The following HHAT variants were observed in gnomAD, a reference collection of about 807,000 sequenced individuals.
The protein encoded by HHAT is protein-cysteine N-palmitoyltransferase HHAT.
In HHAT, 47 loss-of-function variants were observed where a neutral mutation model predicts 70.8. The observed-to-expected ratio is 0.66, with a 90% CI of 0.53 to 0.85. HHAT has a LOEUF of 0.85. Ranked by LOEUF, HHAT falls within the 40% of genes least tolerant of loss-of-function variation. The pLI is 0.00. For synonymous variants in HHAT, 228 were observed against 247.6 expected, an observed-to-expected ratio of 0.92 and a Z score of 0.74; for missense variants, 609 against 604.8, an observed-to-expected ratio of 1.01 and a Z score of -0.07.
At chr1:210,360,482 G>A (rs910325588) in intron 2 of HHAT, among the ~76,000 whole-genome samples, 4 of 152,016 alleles carry the variant, frequency 2.6e-5, no homozygotes, top group Admixed American at 2.0e-4. Flanking sequence ...AGCTAATTTT[G>A]TATTTTTAGT....
At chr1:210,383,362 G>A (rs901968489) in intron 3 of HHAT, among the ~76,000 whole-genome samples, 4 of 151,906 alleles carry the variant, frequency 2.6e-5, no homozygotes, top group East Asian at 3.9e-4. Flanking sequence ...AATCACTGAC[G>A]AAATAAAAAG....
chr1:210,542,507 A>G (rs2490222), intron 9 of HHAT, among the ~76,000 whole-genome samples: 67,974 of 150,810 alleles, frequency 0.45, 16,109 homozygotes, highest in Non-Finnish European at 0.52. Context: ...ATATATATAT[A>G]TATATATTGG....
At chr1:210,594,542 G>A (rs1313115654) in intron 10 of HHAT, among the ~76,000 whole-genome samples, 1 of 152,058 alleles carries the variant, frequency 6.6e-6, no homozygotes, top group Non-Finnish European at 1.5e-5. Context: ...GTTGTTATTT[G>A]TTTGTGTTTT....
chr1:210,375,648 G>C (rs889427566), intron 3 of HHAT, among the ~76,000 whole-genome samples: 10 of 151,466 alleles, frequency 6.6e-5, no homozygotes, highest in African/African-American at 2.2e-4. Flanking sequence ...TATGCTTTTT[G>C]CCAAATTTGG....
intron 8 of HHAT, among the ~76,000 whole-genome samples, chr1:210,499,217 A>C (rs944017252): frequency 2.0e-5 from 3 of 152,066 alleles, no homozygotes; most frequent in Non-Finnish European, 4.4e-5. Flanking sequence ...ATCCTCATCC[A>C]TGTCCCTCTG....
intron 8 of HHAT, among the ~76,000 whole-genome samples, chr1:210,503,583 C>T (rs1254193386): frequency 6.6e-6 from 1 of 152,210 alleles, no homozygotes; most frequent in Non-Finnish European, 1.5e-5. Context: ...CCCAAATGAA[C>T]AAACACCAAC....
intron 7 of HHAT, 81 bp from the exon 8 acceptor site, chr1:210,464,424 A>T: frequency 7.0e-7 from 1 of 1,435,666 alleles, no homozygotes; most frequent in Admixed American, 1.7e-5. Context: ...GGCAGTTGGC[A>T]TAGCTCCTGG....
chr1:210,611,844 CAGGGATG>C (rs1249225069), intron 10 of HHAT, among the ~76,000 whole-genome samples: 2 of 152,218 alleles, frequency 1.3e-5, no homozygotes, highest in African/African-American at 4.8e-5. Flanking sequence ...CTTTGCATCC[CAGGGATG>C]AAGCCAACTT....
At chr1:210,359,848 CAG>C (rs2088065532) in intron 2 of HHAT, among the ~76,000 whole-genome samples, 1 of 151,428 alleles carries the variant, frequency 6.6e-6, no homozygotes, top group African/African-American at 2.4e-5. Context: ...ACCTAGGCGA[CAG>C]AGCGAGACTT....
At chr1:210,569,399 A>AAAAAAAAAAAAAAAAC (rs1558182185) in intron 9 of HHAT, among the ~76,000 whole-genome samples, 3 of 148,368 alleles carry the variant, frequency 2.0e-5, no homozygotes, top group Non-Finnish European at 4.5e-5. Flanking sequence ...AAAAAAAAAA[A>AAAAAAAAAAAAAAAAC]GCGTATAGCA....
At chr1:210,361,077 AAAAG>A (rs2088257339) in intron 2 of HHAT, among the ~76,000 whole-genome samples, 1 of 152,202 alleles carries the variant, frequency 6.6e-6, no homozygotes, top group African/African-American at 2.4e-5. Flanking sequence ...AGCACCAAAA[AAAAG>A]AGCTTAAGTT....
chr1:210,629,134 G>C (rs1031899189), intron 11 of HHAT, among the ~76,000 whole-genome samples: 2 of 152,210 alleles, frequency 1.3e-5, no homozygotes, highest in African/African-American at 2.4e-5. Context: ...CAGTCTATCC[G>C]TGTTTACATC....
chr1:210,406,116 G>A (rs1165208333), intron 6 of HHAT, among the ~76,000 whole-genome samples: 1 of 152,070 alleles, frequency 6.6e-6, no homozygotes, highest in Non-Finnish European at 1.5e-5. Context: ...AGGTAAGGTG[G>A]GCACAGCATA....
At chr1:210,414,424 C>G (rs1019348094) in intron 6 of HHAT, among the ~76,000 whole-genome samples, 2 of 151,958 alleles carry the variant, frequency 1.3e-5, no homozygotes, top group East Asian at 3.9e-4. Context: ...AATGAACTTG[C>G]TTTGGAGAGC....
At chr1:210,530,798 A>G (rs1014107651) in intron 9 of HHAT, among the ~76,000 whole-genome samples, 1 of 152,154 alleles carries the variant, frequency 6.6e-6, no homozygotes, top group Non-Finnish European at 1.5e-5. Context: ...GGCAGGATTA[A>G]TGGGTATCTG....
At chr1:210,585,212 T>C (rs561615038) in intron 9 of HHAT, among the ~76,000 whole-genome samples, 10 of 152,308 alleles carry the variant, frequency 6.6e-5, no homozygotes, top group Non-Finnish European at 1.3e-4. Context: ...CTTGGGCAAA[T>C]TAATTTCTCA....
At chr1:210,613,772 C>T (rs1667076404) in intron 10 of HHAT, among the ~76,000 whole-genome samples, 1 of 152,142 alleles carries the variant, frequency 6.6e-6, no homozygotes, top group East Asian at 1.9e-4. Context: ...AATTCCAGCA[C>T]TTTGTGAGGC....
chr1:210,542,483 T>C lies in HHAT; in HGVS notation c.1043+29295T>C, dbSNP rs187597944. 2.2e-3 allele frequency among the ~76,000 whole-genome samples: 287 copies of C among 133,486 alleles called. 1 individual carries two copies. Among genetic ancestry groups the C allele is most frequent in the African/African-American group, 7.2e-3 (277 of 38,566 alleles). 87.6% of individuals were successfully genotyped at this position (133,486 alleles called of 152,430 possible). On this transcript the variant is annotated intron_variant, in intron 9 of 11. Coordinates refer to ENST00000261458, the MANE Select transcript of HHAT (RefSeq NM_018194.6). ...GACAGTTTTTGCCGCATCAGTGTTT[T>C]AGTTAAAAAAAAAATATATATATAT...
chr1:210,517,859 T>C (rs1462438215), intron 9 of HHAT, among the ~76,000 whole-genome samples: 1 of 152,176 alleles, frequency 6.6e-6, no homozygotes, highest in Non-Finnish European at 1.5e-5. Flanking sequence ...ATGATACTTG[T>C]TTTGTTGCCT....
Sources: gnomAD v4.1 joint callset for allele counts (sites outside exome capture counted in the v4.1 genomes callset) on GRCh38, gnomAD v4.1.1 for gene constraint, MANE v1.5 for transcripts, NCBI Gene and HGNC (gene_info 2026-07-23, HGNC 2026-07-21) for gene names.